The following CAST variants were observed in gnomAD, a reference collection of about 807,000 sequenced individuals.
The protein encoded by CAST is MIR583 host.
A neutral mutation model predicts 119.6 loss-of-function variants in CAST; 76 were observed. The ratio of observed to expected loss-of-function variants is 0.64; its 90% CI spans 0.53 to 0.77. The LOEUF (loss-of-function observed/expected upper bound fraction) is 0.77, where lower values mean the gene tolerates loss of function less well. Ranked by LOEUF, CAST falls within the 30% of genes least tolerant of loss-of-function variation. The probability of loss-of-function intolerance (pLI) is 0.00; values close to 1 mark genes in which losing one functional copy is unlikely to be tolerated. For missense variants in CAST, 953 were observed against 946.5 expected (o/e 1.01, Z -0.09); for synonymous variants, 319 against 331.6 (o/e 0.96, Z 0.41).
In CAST at chr5:96,729,148, G is replaced by A. The variant is rs759594460; in HGVS notation, c.379-5G>A. On this transcript the variant is annotated splice_polypyrimidine_tract_variant and splice_region_variant and intron_variant, in intron 6 of 31. Coordinates refer to ENST00000675179, the MANE Select transcript of CAST (RefSeq NM_001750.7). The stretch of plus-strand genomic sequence containing the variant: ...TAATCAAGTTTAATCTTTTGAAATT[G>A]ACAGCTGTCTGTGGTTCATGAGAAA... 1 of 1,568,196 alleles carries A rather than the reference G, an allele frequency of 6.4e-7. No homozygotes were observed. The highest frequency in any genetic ancestry group is 1.1e-5 in the South Asian group (1 of 88,900).
the CAST span, among the ~76,000 whole-genome samples, chr5:96,275,184 C>T: frequency 1.3e-5 from 2 of 152,178 alleles, no homozygotes; most frequent in African/African-American, 2.4e-5. Context: ...TTGCTTGTTT[C>T]GTTGACAGTA....
the CAST span, among the ~76,000 whole-genome samples, chr5:96,351,086 G>A: frequency 6.6e-6 from 1 of 152,070 alleles, no homozygotes; most frequent in Non-Finnish European, 1.5e-5. Flanking sequence ...CAGTAACTTA[G>A]GACTTTGAAT....
chr5:96,619,527 C>G (rs1010227044), intron 1 of CAST, among the ~76,000 whole-genome samples: 3 of 152,236 alleles, frequency 2.0e-5, no homozygotes, highest in African/African-American at 4.8e-5. Flanking sequence ...GGGTCCTCTT[C>G]CACAGTGTGG....
intron 1 of CAST, among the ~76,000 whole-genome samples, chr5:96,545,853 T>C (rs1175109225): frequency 1.3e-5 from 2 of 152,228 alleles, no homozygotes; most frequent in Admixed American, 6.5e-5. Flanking sequence ...TTGATAACCA[T>C]TTACATGGCA....
chr5:96,453,754 T>C, the CAST span, among the ~76,000 whole-genome samples: 2 of 152,240 alleles, frequency 1.3e-5, no homozygotes, highest in African/African-American at 4.8e-5. Context: ...GATATATTGA[T>C]CTAATCAGAA....
chr5:96,730,382 T>A (rs1245062695), intron 8 of CAST, among the ~76,000 whole-genome samples: 1 of 152,186 alleles, frequency 6.6e-6, no homozygotes, highest in Non-Finnish European at 1.5e-5. Flanking sequence ...TGTTAAAAAA[T>A]TATTTTTAAT....
At chr5:96,738,517 T>C (rs1372570916) in intron 11 of CAST, among the ~76,000 whole-genome samples, 1 of 152,154 alleles carries the variant, frequency 6.6e-6, no homozygotes, top group African/African-American at 2.4e-5. Context: ...GTCACACACT[T>C]ATTTTCCATC....
the CAST span, among the ~76,000 whole-genome samples, chr5:96,098,423 C>T: frequency 1.3e-5 from 2 of 152,008 alleles, no homozygotes; most frequent in African/African-American, 4.8e-5. Context: ...ATGGTATTGC[C>T]AAGGTTGTCT....
the CAST span, among the ~76,000 whole-genome samples, chr5:96,006,980 G>A: frequency 6.6e-6 from 1 of 152,038 alleles, no homozygotes; most frequent in African/African-American, 2.4e-5. Flanking sequence ...AGCCCTAATT[G>A]GCATAATAAC....
the CAST span, among the ~76,000 whole-genome samples, chr5:96,149,193 G>A: frequency 1.3e-5 from 2 of 152,224 alleles, no homozygotes; most frequent in East Asian, 1.9e-4. Context: ...CTGTGAGGAA[G>A]CTGTGTGTAC....
At chr5:96,049,089 G>A in the CAST span, among the ~76,000 whole-genome samples, 59 of 152,330 alleles carry the variant, frequency 3.9e-4, no homozygotes, top group African/African-American at 1.3e-3. Flanking sequence ...GCAACAGGGA[G>A]ACTTTGAAAA....
intron 1 of CAST, among the ~76,000 whole-genome samples, chr5:96,602,182 T>C (rs55640226): frequency 0.084 from 12,754 of 152,294 alleles, 620 homozygotes; most frequent in African/African-American, 0.14. Flanking sequence ...AAAGGATGGT[T>C]GAGGACGGCT....
the CAST span, among the ~76,000 whole-genome samples, chr5:96,102,031 C>G: frequency 1.3e-5 from 2 of 152,252 alleles, no homozygotes; most frequent in Non-Finnish European, 2.9e-5. Flanking sequence ...TTGTAATGCT[C>G]TCTTAGCTCT....
chr5:96,133,771 G>A, the CAST span, among the ~76,000 whole-genome samples: 2 of 152,210 alleles, frequency 1.3e-5, no homozygotes, highest in African/African-American at 4.8e-5. Flanking sequence ...CACAAAGACT[G>A]ATGTACAAAA....
intron 2 of CAST, among the ~76,000 whole-genome samples, chr5:96,676,970 C>T (rs189739418): frequency 6.3e-4 from 95 of 150,954 alleles, no homozygotes; most frequent in African/African-American, 2.2e-3. Flanking sequence ...AGGAGAATCG[C>T]GTGAACCTGG....
the CAST span, among the ~76,000 whole-genome samples, chr5:96,444,569 T>C: frequency 1.3e-5 from 2 of 152,150 alleles, no homozygotes; most frequent in African/African-American, 2.4e-5. Flanking sequence ...CCAAAATTTC[T>C]GAAAATTTTT....
chr5:96,487,952 A>T, the CAST span, among the ~76,000 whole-genome samples: 1 of 152,218 alleles, frequency 6.6e-6, no homozygotes, highest in Middle Eastern at 3.2e-3. Flanking sequence ...CCAGCATTCC[A>T]CTAACCGTTA....
chr5:96,398,906 G>T, the CAST span: 1 of 1,613,676 alleles, frequency 6.2e-7, no homozygotes, highest in South Asian at 1.1e-5. Flanking sequence ...GTGACATGAA[G>T]GTCTCCTCTT....
chr5:96,341,196 G>A, the CAST span, among the ~76,000 whole-genome samples: 1 of 152,140 alleles, frequency 6.6e-6, no homozygotes, highest in African/African-American at 2.4e-5. Flanking sequence ...ATGGAGAGTT[G>A]TGTCTTCTTA....
Sources: gnomAD v4.1 joint callset for allele counts (sites outside exome capture counted in the v4.1 genomes callset) on GRCh38, gnomAD v4.1.1 for gene constraint, MANE v1.5 for transcripts, NCBI Gene and HGNC (gene_info 2026-07-23, HGNC 2026-07-21) for gene names.